Variants in RAB27A observed in about 807,000 individuals in gnomAD.
RAB27A encodes RAB27A, member RAS oncogene family.
In RAB27A, 17 loss-of-function variants were observed where a neutral mutation model predicts 20.8. The ratio of observed to expected loss-of-function variants is 0.82; its 90% CI spans 0.56 to 1.23. The LOEUF (loss-of-function observed/expected upper bound fraction) is 1.23. Among genes scored for constraint, RAB27A ranks in the 50% most tolerant of loss-of-function variants. The pLI, the probability that RAB27A is intolerant of heterozygous loss-of-function variation, is 0.00. For missense variants in RAB27A, 277 were observed against 266.7 expected (o/e 1.04, Z -0.27); for synonymous variants, 85 against 92.8 (o/e 0.92, Z 0.48).
intron 1 of RAB27A, among the ~76,000 whole-genome samples, chr15:55,315,066 C>G (rs551135627): frequency 6.6e-6 from 1 of 152,182 alleles, no homozygotes; most frequent in Non-Finnish European, 1.5e-5. Flanking sequence ...AAAACAGAGA[C>G]ATAGACAAAT....
chr15:55,275,490 G>A (rs946408931), intron 1 of RAB27A, among the ~76,000 whole-genome samples: 3 of 151,434 alleles, frequency 2.0e-5, no homozygotes, highest in Non-Finnish European at 3.0e-5. Flanking sequence ...AGCTGGGCAC[G>A]GTGGTGGGCA....
chr15:55,229,208 T>C (rs1278052664), intron 4 of RAB27A, among the ~76,000 whole-genome samples: 1 of 152,104 alleles, frequency 6.6e-6, no homozygotes, highest in Non-Finnish European at 1.5e-5. Context: ...CTTCTCTCTC[T>C]CTCTCCCCAC....
intron 1 of RAB27A, among the ~76,000 whole-genome samples, chr15:55,283,821 G>A (rs112759382): frequency 0.029 from 4,412 of 152,190 alleles, 114 homozygotes; most frequent in East Asian, 0.083. Flanking sequence ...AGTACAGCAA[G>A]AACAAAAGTA....
rs1417948040 is a variant in RAB27A, at chr15:55,287,828, T to C, written c.-143+1888A>G. Among the ~76,000 whole-genome samples, 5 of 151,836 alleles carry C rather than the reference T, an allele frequency of 3.3e-5. No homozygotes were observed. In the East Asian group the frequency reaches 9.6e-4, roughly 29 times the overall value. ...TTGAAAAAGAACAAGGTTGGAGGACTCACATATCCTGATTTCAAAACACTA... is the reference window on the plus strand; with the variant it reads ...TTGAAAAAGAACAAGGTTGGAGGACCCACATATCCTGATTTCAAAACACTA... On this transcript the variant is annotated intron_variant, in intron 1 of 6. Coordinates refer to ENST00000336787, the MANE Select transcript of RAB27A (RefSeq NM_183235.3).
chr15:55,247,670 C>T (rs904878873), intron 2 of RAB27A, among the ~76,000 whole-genome samples: 1 of 152,144 alleles, frequency 6.6e-6, no homozygotes. Context: ...AATGATACTT[C>T]TTTCCTTCCA....
chr15:55,315,335 C>A (rs1278633478), intron 1 of RAB27A, among the ~76,000 whole-genome samples: 1 of 152,148 alleles, frequency 6.6e-6, no homozygotes, highest in Admixed American at 6.5e-5. Context: ...CAATACCATT[C>A]AGGACATAGG....
chr15:55,293,295 C>A (rs1452184179), upstream of RAB27A, among the ~76,000 whole-genome samples: 1 of 151,998 alleles, frequency 6.6e-6, no homozygotes, highest in African/African-American at 2.4e-5. Context: ...GCTACGAGTA[C>A]ACTTAGCACC....
chr15:55,304,033 G>C (rs188038217), intron 2 of RAB27A, among the ~76,000 whole-genome samples: 5,571 of 151,968 alleles, frequency 0.037, 109 homozygotes, highest in Non-Finnish European at 0.041. Context: ...CGGGAAAGGT[G>C]GGGAAGAGAT....
At chr15:55,256,949 A>T (rs62018091) in intron 2 of RAB27A, among the ~76,000 whole-genome samples, 5 of 152,016 alleles carry the variant, frequency 3.3e-5, no homozygotes, top group Non-Finnish European at 7.4e-5. Context: ...TCACTCCTTG[A>T]AGATGAGAGC....
chr15:55,241,626 G>GTGTGTATATATATATA, intron 2 of RAB27A, among the ~76,000 whole-genome samples: 1 of 107,282 alleles, frequency 9.3e-6, no homozygotes, highest in African/African-American at 5.9e-5. Context: ...ATATATATAT[G>GTGTGTATATATATATA]TGTGTATATA....
intron 2 of RAB27A, among the ~76,000 whole-genome samples, chr15:55,255,945 G>A (rs1247108126): frequency 6.6e-6 from 1 of 152,214 alleles, no homozygotes; most frequent in Admixed American, 6.5e-5. Flanking sequence ...TATGTGTCCT[G>A]TGGTGAGCCA....
intron 6 of RAB27A, among the ~76,000 whole-genome samples, chr15:55,218,113 TG>T (rs1358404990): frequency 6.6e-6 from 1 of 152,222 alleles, no homozygotes; most frequent in Non-Finnish European, 1.5e-5. Context: ...CAAGTATGTT[TG>T]GTGGTTCTGT....
intron 2 of RAB27A, among the ~76,000 whole-genome samples, chr15:55,309,997 A>G (rs1566941878): frequency 6.6e-6 from 1 of 152,054 alleles, no homozygotes; most frequent in Non-Finnish European, 1.5e-5. Flanking sequence ...TTGCTCGTCC[A>G]TATTGTCCTT....
chr15:55,217,902 C>T (rs1015064548), intron 6 of RAB27A, among the ~76,000 whole-genome samples: 17 of 151,826 alleles, frequency 1.1e-4, no homozygotes, highest in African/African-American at 3.9e-4. Context: ...TAATGCATTT[C>T]CAAAAATAGA....
intron 2 of RAB27A, among the ~76,000 whole-genome samples, chr15:55,263,379 T>TA (rs35877174): frequency 0.26 from 38,667 of 150,296 alleles, 5,723 homozygotes; most frequent in East Asian, 0.59. Context: ...GTCTTGGGCT[T>TA]AAAAAAAAAA....
intron 2 of RAB27A, among the ~76,000 whole-genome samples, chr15:55,299,732 C>G (rs1421415745): frequency 6.6e-6 from 1 of 151,908 alleles, no homozygotes; most frequent in East Asian, 1.9e-4. Flanking sequence ...ACAAGTTTAT[C>G]TTATTCTAAA....
intron 2 of RAB27A, among the ~76,000 whole-genome samples, chr15:55,255,091 T>C (rs1897030523): frequency 6.6e-6 from 1 of 152,206 alleles, no homozygotes; most frequent in Non-Finnish European, 1.5e-5. Context: ...CTGCCAGGGC[T>C]CAGGGCTGAG....
At chr15:55,231,816 G>A (rs754779667) in intron 3 of RAB27A, among the ~76,000 whole-genome samples, 17 of 151,988 alleles carry the variant, frequency 1.1e-4, no homozygotes, top group Non-Finnish European at 2.4e-4. Context: ...TATCCCAAGG[G>A]CATTTGTTGA....
intron 1 of RAB27A, chr15:55,317,064 T>C (rs1309162563): frequency 1.3e-5 from 2 of 152,144 alleles, no homozygotes; most frequent in Admixed American, 1.3e-4. Flanking sequence ...CCTAGAAAAA[T>C]AAACCTCAAG....
Sources: gnomAD v4.1 joint callset for allele counts (sites outside exome capture counted in the v4.1 genomes callset) on GRCh38, gnomAD v4.1.1 for gene constraint, MANE v1.5 for transcripts, NCBI Gene and HGNC (gene_info 2026-07-23, HGNC 2026-07-21) for gene names.